Variants in BCL7C observed in about 807,000 individuals in gnomAD.
BCL7C encodes the protein BAF chromatin remodeling complex subunit BCL7C.
BCL7C carries 8 observed loss-of-function variants against 26.2 expected under a neutral mutation model. The ratio of observed to expected loss-of-function variants is 0.30; its 90% CI spans 0.18 to 0.55. BCL7C has a LOEUF of 0.55. Ranked by LOEUF, BCL7C falls within the 20% of genes least tolerant of loss-of-function variation. BCL7C has a pLI of 0.93. For synonymous variants in BCL7C, 90 were observed against 116.5 expected, an observed-to-expected ratio of 0.77 and a Z score of 1.47; for missense variants, 262 against 298.5, an observed-to-expected ratio of 0.88 and a Z score of 0.90.
intron 5 of BCL7C, among the ~76,000 whole-genome samples, chr16:30,837,492 C>T (rs529009838): frequency 2.7e-4 from 41 of 152,116 alleles, no homozygotes; most frequent in African/African-American, 8.0e-4. Flanking sequence ...GGATTACAGG[C>T]GCCCACCACC....
intron 5 of BCL7C, chr16:30,888,597 A>T: frequency 3.6e-6 from 1 of 274,854 alleles, no homozygotes; most frequent in Non-Finnish European, 6.9e-6. Context: ...CGCCTCCCAA[A>T]GTGCTGGGAT....
intron 5 of BCL7C, among the ~76,000 whole-genome samples, chr16:30,860,193 TC>T (rs1327132048): frequency 2.0e-5 from 3 of 152,228 alleles, no homozygotes; most frequent in African/African-American, 7.2e-5. Flanking sequence ...GGTCACGGAC[TC>T]GGGAAGACAG....
chr16:30,851,132 G>C (rs2054671539), intron 5 of BCL7C: 1 of 259,992 alleles, frequency 3.8e-6, no homozygotes, highest in Non-Finnish European at 7.7e-6. Context: ...GCATCCTACT[G>C]GTTCGTTTTC....
At chr16:30,845,359 G>A (rs2054627574) in intron 5 of BCL7C, among the ~76,000 whole-genome samples, 1 of 152,166 alleles carries the variant, frequency 6.6e-6, no homozygotes, top group Non-Finnish European at 1.5e-5. Context: ...CAGGCACTGG[G>A]CTCTCGCTGA....
intron 5 of BCL7C, among the ~76,000 whole-genome samples, chr16:30,849,011 C>A (rs2054653472): frequency 6.6e-6 from 1 of 151,652 alleles, no homozygotes; most frequent in African/African-American, 2.4e-5. Context: ...CACGGTGAAA[C>A]CCTGTCTCTA....
rs1240481367 is a variant in BCL7C at position 30,834,234 on chromosome 16, C to A, written c.*714G>T. The A allele has an allele frequency of 6.6e-6, 1 of 152,232 alleles. No individual in the cohort carries two copies. The highest frequency in any genetic ancestry group is 1.5e-5 in the Non-Finnish European group (1 of 68,044). 9.4% of individuals were successfully genotyped at this position (152,232 alleles called of 1,614,324 possible). On this transcript the variant is annotated 3_prime_UTR_variant, in exon 6 of 6. Transcript: ENST00000380317. This position sits in a 1 kb window ranked among gnomAD's most constrained non-coding sequence, Gnocchi z 4.3. The stretch of plus-strand genomic sequence containing the variant: ...CAGGGCTGCGCCAGAAGTCTCCACG[C>A]CTCCACCCGAGGCGGGCGCCTGGGC...
At chr16:30,836,577 C>T (rs752986345) in intron 5 of BCL7C, among the ~76,000 whole-genome samples, 6 of 150,976 alleles carry the variant, frequency 4.0e-5, no homozygotes, top group Non-Finnish European at 5.9e-5. Flanking sequence ...ACATCTCAAG[C>T]GATCCTCCCA....
intron 5 of BCL7C, among the ~76,000 whole-genome samples, chr16:30,846,138 G>A (rs114595938): frequency 0.015 from 2,283 of 149,666 alleles, 52 homozygotes; most frequent in African/African-American, 0.049. Flanking sequence ...AGATCCTTCA[G>A]CCTCAGCCTC....
At chr16:30,856,060 TAA>T (rs758984617) in intron 5 of BCL7C, among the ~76,000 whole-genome samples, 27 of 97,386 alleles carry the variant, frequency 2.8e-4, no homozygotes, top group Admixed American at 4.6e-4. Flanking sequence ...AGACTCCATC[TAA>T]AAAAAAAAAA....
chr16:30,880,824 A>G (rs1443577708), intron 5 of BCL7C, among the ~76,000 whole-genome samples: 1 of 151,926 alleles, frequency 6.6e-6, no homozygotes, highest in African/African-American at 2.4e-5. Context: ...TCAGCCTCCC[A>G]AGTAGCTGGA....
rs2054573310 is a variant in BCL7C at position 30,836,987 on chromosome 16, GGTTTCACTAT to G, written c.529-1849_529-1840del. Among the ~76,000 whole-genome samples, 5 of 151,532 alleles carry G rather than the reference GGTTTCACTAT, an allele frequency of 3.3e-5. No individual in the cohort carries two copies. The South Asian group carries it at 1.0e-3, about 32-fold the overall frequency. ...TTTTGTATTTTTTTGGTAGAGACAGGGTTTCACTATGTTGGCCAGGCTGGTCTTGAACTCC... is the reference window on the plus strand; with the variant it reads ...TTTTGTATTTTTTTGGTAGAGACAGGGTTGGCCAGGCTGGTCTTGAACTCC... On this transcript the variant is annotated intron_variant, in intron 5 of 5. Coordinates refer to the BCL7C transcript ENST00000380317.
At chr16:30,884,741 A>G (rs1035909486), downstream of BCL7C, among the ~76,000 whole-genome samples, 1 of 151,932 alleles carries the variant, frequency 6.6e-6, no homozygotes, top group African/African-American at 2.4e-5. Context: ...CAGTAATCCA[A>G]CCACCTCAGC....
intron 5 of BCL7C, among the ~76,000 whole-genome samples, chr16:30,838,667 G>C (rs1426590428): frequency 6.6e-6 from 1 of 152,160 alleles, no homozygotes; most frequent in African/African-American, 2.4e-5. Context: ...GTCACCTGTA[G>C]TCCTAGCTAC....
intron 5 of BCL7C, among the ~76,000 whole-genome samples, chr16:30,838,966 A>G (rs897417983): frequency 2.0e-5 from 3 of 152,232 alleles, no homozygotes; most frequent in African/African-American, 4.8e-5. Flanking sequence ...ATTCTGGGAA[A>G]AAAATGTCTC....
chr16:30,878,610 C>T (rs1223550072), intron 5 of BCL7C, among the ~76,000 whole-genome samples: 7 of 151,444 alleles, frequency 4.6e-5, no homozygotes, highest in African/African-American at 1.2e-4. Flanking sequence ...TCTGGGAGGC[C>T]GAGGTGGGTG....
intron 5 of BCL7C, among the ~76,000 whole-genome samples, chr16:30,870,359 T>G (rs1444544346): frequency 6.6e-6 from 1 of 152,124 alleles, no homozygotes; most frequent in Non-Finnish European, 1.5e-5. Flanking sequence ...TTGCTTTCAT[T>G]AGAAAAATTG....
chr16:30,864,219 G>A (rs1196448773), intron 5 of BCL7C, among the ~76,000 whole-genome samples: 1 of 152,034 alleles, frequency 6.6e-6, no homozygotes, highest in Admixed American at 6.6e-5. Flanking sequence ...CCTGGTATAT[G>A]ACAACATAAA....
At chr16:30,886,411 C>T (rs1366736119), downstream of BCL7C, among the ~76,000 whole-genome samples, 1 of 152,150 alleles carries the variant, frequency 6.6e-6, no homozygotes, top group Non-Finnish European at 1.5e-5. Context: ...TGAACCAGGG[C>T]TTCTGACTTG....
chr16:30,888,290 T>C (rs1437147542), intron 5 of BCL7C, among the ~76,000 whole-genome samples: 1 of 152,206 alleles, frequency 6.6e-6, no homozygotes, highest in Non-Finnish European at 1.5e-5. Flanking sequence ...TATTTTTTGA[T>C]ATTTTTTGAA....
Sources: gnomAD v4.1 joint callset for allele counts (sites outside exome capture counted in the v4.1 genomes callset) on GRCh38, gnomAD v4.1.1 for gene constraint, Gnocchi (gnomAD v3.1) non-coding constraint, MANE v1.5 for transcripts, NCBI Gene and HGNC (gene_info 2026-07-23, HGNC 2026-07-21) for gene names.